CXCL16: variants seen among roughly 807,000 people sequenced by gnomAD.
The protein encoded by CXCL16 is C-X-C motif chemokine ligand 16.
A neutral mutation model predicts 23.8 loss-of-function variants in CXCL16; 18 were observed. The ratio of observed to expected loss-of-function variants is 0.76; its 90% CI spans 0.52 to 1.12. The LOEUF is 1.12. Among genes scored for constraint, CXCL16 ranks in the 50% most tolerant of loss-of-function variants. The pLI is 0.00. For missense variants in CXCL16, 297 were observed against 315.4 expected, an observed-to-expected ratio of 0.94 and a Z score of 0.44; for synonymous variants, 123 against 132.5, an observed-to-expected ratio of 0.93 and a Z score of 0.49.
At chr17:4,734,934 AC>A (rs1916105352) in intron 4 of CXCL16, among the ~76,000 whole-genome samples, 157 bp downstream of exon 4, 1 of 152,098 alleles carries the variant, frequency 6.6e-6, no homozygotes, top group African/African-American at 2.4e-5. Flanking sequence ...ACAGTCCCCG[AC>A]TGACTGTCCT....
chr17:4,737,512 G>A lies in CXCL16; in HGVS notation c.301+896C>T, dbSNP rs1259802954. On this transcript the variant is annotated intron_variant, in intron 3 of 5. Coordinates refer to ENST00000293778, the MANE Select transcript of CXCL16 (RefSeq NM_001386809.1). The stretch of plus-strand genomic sequence containing the variant: ...GGAGAATTGCTTGAACCTGGGAGGC[G>A]GAGGCTGCAGTGAGCTGAGGGCACC... 5.5e-5 allele frequency among the ~76,000 whole-genome samples: 8 copies of A among 146,586 alleles called. 1 individual carries two copies. Among genetic ancestry groups the A allele is most frequent in the African/African-American group, 1.0e-4 (4 of 39,334 alleles).
In CXCL16 at chr17:4,739,000, G is replaced by A; in HGVS notation, c.80-80C>T. The A allele has an allele frequency of 6.6e-7, 1 of 1,525,652 alleles. No homozygotes were observed. Among genetic ancestry groups the A allele is most frequent in the South Asian group, 1.2e-5 (1 of 82,076 alleles). 94.5% of individuals were successfully genotyped at this position (1,525,652 alleles called of 1,614,324 possible). A position where few individuals can be genotyped will look rare whatever the true frequency, so the allele number is the denominator to read the frequency against. ...GCTGTTCCCTGGCATCCAATCCACA[G>A]CCCCATGACAGCCTCTCGGTGGACC... On this transcript the variant is annotated intron_variant, in intron 1 of 5. Transcript: ENST00000293778. The surrounding 1 kb of genome is among the most constrained non-coding windows in gnomAD (Gnocchi z 4.0).
rs1916233464 is a variant in CXCL16 at position 4,738,537 on chromosome 17, C to T, written c.219-47G>A. 1 of 1,456,404 alleles carries T rather than the reference C, an allele frequency of 6.9e-7. No homozygotes were observed. Among genetic ancestry groups the T allele is most frequent in the Non-Finnish European group, 9.6e-7 (1 of 1,044,262 alleles). 90.2% of individuals were successfully genotyped at this position (1,456,404 alleles called of 1,614,324 possible). Reference sequence around the variant, plus strand: ...TTAGCTGCGGCGCCTTCTTTCCTTCCCCGGCTCCTTCCTCATTCCAGAGGC... The same window carrying T: ...TTAGCTGCGGCGCCTTCTTTCCTTCTCCGGCTCCTTCCTCATTCCAGAGGC... On this transcript the variant is annotated intron_variant, in intron 2 of 5. Transcript: ENST00000293778. The surrounding 1 kb of genome is among the most constrained non-coding windows in gnomAD (Gnocchi z 4.0).
chr17:4,739,607 G>A lies in CXCL16; in HGVS notation c.-268C>T. 1 of 662,054 alleles carries A rather than the reference G, an allele frequency of 1.5e-6. No individual in the cohort carries two copies. The highest frequency in any genetic ancestry group is 1.9e-5 in the African/African-American group (1 of 51,538). The allele number at this position is 662,054 out of a possible 1,614,324, so 41.0% of individuals were successfully genotyped here. ...CCCGCGCCCTGCGCCCCCGCACTGG[G>A]CCCGGCTCCGTCGAGGGAAGGCCAG... On this transcript the variant is annotated 5_prime_UTR_variant, in exon 1 of 6. Coordinates refer to ENST00000293778, the MANE Select transcript of CXCL16 (RefSeq NM_001386809.1). This position sits in a 1 kb window ranked among gnomAD's most constrained non-coding sequence, Gnocchi z 5.3.
Position 4,739,659 on chromosome 17 carries a change from C to A in CXCL16, c.-320G>T. The A allele has an allele frequency of 1.4e-6, 1 of 713,498 alleles. No homozygotes were observed. Among genetic ancestry groups the A allele is most frequent in the Non-Finnish European group, 2.1e-6 (1 of 481,312 alleles). The allele number at this position is 713,498 out of a possible 1,614,324, so 44.2% of individuals were successfully genotyped here. A position where few individuals can be genotyped will look rare whatever the true frequency, so the allele number is the denominator to read the frequency against. On this transcript the variant is annotated 5_prime_UTR_variant, in exon 1 of 6. Transcript: ENST00000293778. The surrounding 1 kb of genome is among the most constrained non-coding windows in gnomAD (Gnocchi z 5.3). ...AATCTTGGAAGAAACCGAAAGAAAA[C>A]TCCGGCGGCGGGCGAGGAGGGGCGG...
rs1221956973 is a variant in CXCL16, at chr17:4,738,852, G to A, written c.148C>T (p.Pro50Ser). Residue 50 changes from proline (P) to serine (S), a missense_variant, in exon 2 of 6, where the codon CCA becomes TCA. Pro to Ser is a moderately conservative substitution (Grantham distance 74). Coordinates refer to ENST00000293778, the MANE Select transcript of CXCL16 (RefSeq NM_001386809.1). The surrounding 1 kb of genome is among the most constrained non-coding windows in gnomAD (Gnocchi z 4.0). ...AGACGATTCATGAACTGAACCGATGGCGGGGAGTCGGAAGAAATTCTTTTA... is the reference window on the plus strand; with the variant it reads ...AGACGATTCATGAACTGAACCGATGACGGGGAGTCGGAAGAAATTCTTTTA... ...CGKRISSDSP[P>S]SVQFMNRLRK... The A allele has an allele frequency of 6.2e-7, 1 of 1,614,134 alleles. No homozygotes were observed.
chr17:4,739,446 C>T lies in CXCL16; in HGVS notation c.-107G>A. The T allele has an allele frequency of 6.4e-7, 1 of 1,553,236 alleles. No homozygotes were observed. Among genetic ancestry groups the T allele is most frequent in the South Asian group, 1.1e-5 (1 of 89,000 alleles). On this transcript the variant is annotated 5_prime_UTR_variant, in exon 1 of 6. Transcript: ENST00000293778. The surrounding 1 kb of genome is among the most constrained non-coding windows in gnomAD (Gnocchi z 5.3). ...GTGTCTCAATGGCTTTCGCCGGGGA[C>T]CGGAGGAGACGGCGGCCGGAGAGGA...
intron 4 of CXCL16, 28 bp downstream of exon 4, chr17:4,735,064 G>T: frequency 3.2e-6 from 5 of 1,578,740 alleles, no homozygotes; most frequent in Middle Eastern, 1.8e-4. Flanking sequence ...CTGGGTCCCT[G>T]GGGGGAGGGT....
At position 4,738,412 on chromosome 17, in the gene CXCL16, G is replaced by T; in HGVS notation, c.297C>A (p.Leu99=). The T allele has an allele frequency of 6.2e-7, 1 of 1,613,086 alleles. No homozygotes were observed. The highest frequency in any genetic ancestry group is 1.7e-5 in the Admixed American group (1 of 60,016). ...AGAGCAGTGGAAAAGTCTCACCTTT[G>T]AGATCAAGACAGCTCATCAATTCCT... The part of the protein sequence containing the change: ...WVQELMSCLD[L]KECGHAYSGI... The change falls in exon 3 of 6, where the codon CTC becomes CTA. Residue 99 remains leucine, a synonymous_variant. Transcript: ENST00000293778. This position sits in a 1 kb window ranked among gnomAD's most constrained non-coding sequence, Gnocchi z 4.0.
chr17:4,739,637 C>A lies in CXCL16; in HGVS notation c.-298G>T. 2.9e-6 allele frequency: 2 copies of A among 691,720 alleles called. No individual in the cohort carries two copies. Among genetic ancestry groups the A allele is most frequent in the South Asian group, 4.9e-5 (2 of 41,100 alleles). The allele number at this position is 691,720 out of a possible 1,614,324, so 42.8% of individuals were successfully genotyped here. ...GCTCCGTCGAGGGAAGGCCAGGAAT[C>A]TTGGAAGAAACCGAAAGAAAACTCC... On this transcript the variant is annotated 5_prime_UTR_variant, in exon 1 of 6. Coordinates refer to ENST00000293778, the MANE Select transcript of CXCL16 (RefSeq NM_001386809.1). The surrounding 1 kb of genome is among the most constrained non-coding windows in gnomAD (Gnocchi z 5.3).
At position 4,738,856 on chromosome 17, in the gene CXCL16, G is replaced by A. The variant is rs141252038; in HGVS notation, c.144C>T (p.Ser48=). Residue 48 remains serine, a synonymous_variant, in exon 2 of 6, where the codon TCC becomes TCT. Transcript: ENST00000293778. This position sits in a 1 kb window ranked among gnomAD's most constrained non-coding sequence, Gnocchi z 4.0. ...CYCGKRISSD[S]PPSVQFMNRL... ...GATTCATGAACTGAACCGATGGCGG[G>A]GAGTCGGAAGAAATTCTTTTACCAC... 18 of 1,614,124 alleles carry A rather than the reference G, an allele frequency of 1.1e-5. No homozygotes were observed. The African/African-American group carries it at 1.9e-4, about 17-fold the overall frequency.
intron 4 of CXCL16, 98 bp from the exon 5 acceptor site, chr17:4,734,750 A>G: frequency 9.6e-7 from 1 of 1,045,920 alleles, no homozygotes; most frequent in South Asian, 1.3e-5. Context: ...AGACATCAAC[A>G]CTATGACCTG....
rs1273916119 is a variant in CXCL16, at chr17:4,735,403, G to C, written c.407C>G (p.Thr136Ser). ...GGTGGACAGGAGCATCTGGGCAGGG[G>C]TGTGGATATCTGAAGATGCCCCCTC... ...ASEGASSDIH[T>S]PAQMLLSTLQ... Residue 136 changes from threonine (T) to serine (S), a missense_variant, in exon 4 of 6, where the codon ACC (threonine) becomes AGC (serine). Coordinates refer to ENST00000293778, the MANE Select transcript of CXCL16 (RefSeq NM_001386809.1). The C allele has an allele frequency of 6.4e-7, 1 of 1,552,144 alleles. No homozygotes were observed. The highest frequency in any genetic ancestry group is 1.8e-5 in the Admixed American group (1 of 54,768).
chr17:4,739,281 A>C lies in CXCL16; in HGVS notation c.59T>G (p.Leu20Arg). Residue 20 changes from leucine to arginine, a missense_variant, in exon 1 of 6, where the codon CTG (leucine) becomes CGG (arginine). Transcript: ENST00000293778. The surrounding 1 kb of genome is among the most constrained non-coding windows in gnomAD (Gnocchi z 5.3). ...RVLLLLLLLL[L>R]VYLTQPGNGN... ...CTAACCTGGCTGAGTCAGGTACACC[A>C]GCAGGAGCAGAAGCAGGAGCAGGAG... The C allele has an allele frequency of 6.2e-7, 1 of 1,608,246 alleles. No homozygotes were observed. The highest frequency in any genetic ancestry group is 1.1e-5 in the South Asian group (1 of 90,074).
Position 4,739,560 on chromosome 17 carries a change from G to A in CXCL16, c.-221C>T, listed in dbSNP as rs1477163914. On this transcript the variant is annotated 5_prime_UTR_variant, in exon 1 of 6. Transcript: ENST00000293778. This position sits in a 1 kb window ranked among gnomAD's most constrained non-coding sequence, Gnocchi z 5.3. ...GCGCCATGCCAGCCTCTGGACGCAG[G>A]GAAAGCCGAGGAGGTGGAGCTCCCG... The A allele has an allele frequency of 3.9e-5, 27 of 700,618 alleles. No homozygotes were observed. The highest frequency in any genetic ancestry group is 5.3e-5 in the Non-Finnish European group (24 of 448,632). 43.4% of individuals were successfully genotyped at this position (700,618 alleles called of 1,614,324 possible).
Position 4,734,268 on chromosome 17 carries a change from A to T in CXCL16, c.*235T>A. 4.8e-6 allele frequency: 1 copy of T among 208,606 alleles called. No individual in the cohort carries two copies. The highest frequency in any genetic ancestry group is 6.5e-5 in the South Asian group (1 of 15,436). The allele number at this position is 208,606 out of a possible 1,614,324, so 12.9% of individuals were successfully genotyped here. On this transcript the variant is annotated 3_prime_UTR_variant, in exon 6 of 6. Coordinates refer to ENST00000293778, the MANE Select transcript of CXCL16 (RefSeq NM_001386809.1). ...GAATTTGTCCAAGTTATTATCACCC[A>T]GTGTGAAAAGCAGATTTTATAGTAT...
intron 3 of CXCL16, among the ~76,000 whole-genome samples, chr17:4,737,028 G>A (rs1382935031): frequency 6.6e-6 from 1 of 151,768 alleles, no homozygotes; most frequent in South Asian, 2.1e-4. Flanking sequence ...TGTTGGTCAG[G>A]CTGGTCTCAA....
At chr17:4,734,514 A>T in intron 5 of CXCL16, 35 bp from the exon 6 acceptor site, 1 of 1,028,640 alleles carries the variant, frequency 9.7e-7, no homozygotes, top group Non-Finnish European at 1.5e-6. Flanking sequence ...GTATGTATAC[A>T]GTGCCTACCA....
At position 4,738,695 on chromosome 17, in the gene CXCL16, A is replaced by G; in HGVS notation, c.218+87T>C. ...GATGGGGCTCGGTGAGCCGGGAAGG[A>G]GTTCAGGCTGGACCAGAGAGGGTCC... On this transcript the variant is annotated intron_variant, in intron 2 of 5. Coordinates refer to ENST00000293778, the MANE Select transcript of CXCL16 (RefSeq NM_001386809.1). The surrounding 1 kb of genome is among the most constrained non-coding windows in gnomAD (Gnocchi z 4.0). The G allele has an allele frequency of 7.3e-7, 1 of 1,377,502 alleles. No individual in the cohort carries two copies. Among genetic ancestry groups the G allele is most frequent in the Non-Finnish European group, 1.0e-6 (1 of 998,106 alleles). The allele number at this position is 1,377,502 out of a possible 1,614,324, so 85.3% of individuals were successfully genotyped here. A position where few individuals can be genotyped will look rare whatever the true frequency, so the allele number is the denominator to read the frequency against.
Sources: gnomAD v4.1 joint callset for allele counts (sites outside exome capture counted in the v4.1 genomes callset) on GRCh38, gnomAD v4.1.1 for gene constraint, Gnocchi (gnomAD v3.1) non-coding constraint, MANE v1.5 for transcripts, NCBI Gene and HGNC (gene_info 2026-07-23, HGNC 2026-07-21) for gene names.